Variants in TMEM150C observed in about 807,000 individuals in gnomAD.
TMEM150C encodes the protein tentonin 3.
A neutral mutation model predicts 29.9 loss-of-function variants in TMEM150C; 10 were observed. The observed-to-expected ratio is 0.33, with a 90% CI of 0.21 to 0.57. The LOEUF (loss-of-function observed/expected upper bound fraction) is 0.57, where lower values mean the gene tolerates loss of function less well. Ranked by LOEUF, TMEM150C falls within the 20% of genes least tolerant of loss-of-function variation. The pLI is 0.88. For synonymous variants in TMEM150C, 101 were observed against 112.5 expected (o/e 0.90, Z 0.64); for missense variants, 251 against 303.6 (o/e 0.83, Z 1.29).
chr4:82,543,773 A>C (rs889424200), intron 1 of TMEM150C, among the ~76,000 whole-genome samples: 4 of 152,236 alleles, frequency 2.6e-5, no homozygotes, highest in Admixed American at 1.3e-4. Flanking sequence ...CTCTGGAATA[A>C]ACCATTCACA....
chr4:82,523,603 C>T lies in TMEM150C; in HGVS notation c.-10-18936G>A, dbSNP rs539046614. ...TGGTGGGGCCTTACAAGAAACTTTC[C>T]GGAAATGCTTTAAAAAATGAAAACT... On this transcript the variant is annotated intron_variant, in intron 1 of 7. Transcript: ENST00000449862. Among the ~76,000 whole-genome samples, 19 of 152,202 alleles carry T rather than the reference C, an allele frequency of 1.2e-4. 3 individuals are homozygous for T. In the South Asian group the frequency reaches 3.7e-3, roughly 30 times the overall value.
At chr4:82,518,031 C>T (rs374962191) in intron 1 of TMEM150C, among the ~76,000 whole-genome samples, 1 of 152,158 alleles carries the variant, frequency 6.6e-6, no homozygotes, top group South Asian at 2.1e-4. Flanking sequence ...AAAGTAGTGA[C>T]CAGGCTGGGC....
chr4:82,557,535 T>A (rs1356474493), intron 1 of TMEM150C, among the ~76,000 whole-genome samples: 2 of 152,192 alleles, frequency 1.3e-5, no homozygotes, highest in Non-Finnish European at 1.5e-5. Context: ...TGATCTGTAA[T>A]GTGCAAAAGA....
intron 1 of TMEM150C, among the ~76,000 whole-genome samples, chr4:82,554,458 AT>A (rs1725674419): frequency 2.0e-5 from 3 of 152,230 alleles, no homozygotes; most frequent in Admixed American, 2.0e-4. Context: ...TTGAAAGACT[AT>A]TTTATCAACC....
chr4:82,539,978 C>T (rs1725144020), intron 1 of TMEM150C, among the ~76,000 whole-genome samples: 1 of 152,016 alleles, frequency 6.6e-6, no homozygotes, highest in South Asian at 2.1e-4. Context: ...AATAGAAAAA[C>T]TTAAGGAGAT....
intron 1 of TMEM150C, among the ~76,000 whole-genome samples, chr4:82,529,858 C>G (rs1724778557): frequency 6.6e-6 from 1 of 151,948 alleles, no homozygotes; most frequent in African/African-American, 2.4e-5. Context: ...TAAAGGGAAA[C>G]CTACCTAAAA....
At chr4:82,506,694 C>G (rs541369930) in intron 1 of TMEM150C, among the ~76,000 whole-genome samples, 1 of 152,250 alleles carries the variant, frequency 6.6e-6, no homozygotes, top group Non-Finnish European at 1.5e-5. Context: ...TACGGAAGAA[C>G]AGTGAACATT....
chr4:82,507,727 CTTTTTTTTTTTTTTTTTTTTTTTT>C (rs869112887), intron 1 of TMEM150C, among the ~76,000 whole-genome samples: 2 of 20,594 alleles, frequency 9.7e-5, no homozygotes, highest in Middle Eastern at 0.036. Context: ...CTCTCTCTCT[CTTTTTTTTTTTTTTTTTTTTTTTT>C]TTTTTTTTTT....
intron 1 of TMEM150C, among the ~76,000 whole-genome samples, chr4:82,529,517 G>A (rs1386232865): frequency 2.0e-5 from 3 of 152,030 alleles, no homozygotes; most frequent in African/African-American, 4.8e-5. Context: ...CAAATTCCTG[G>A]GCTCAAGCGA....
intron 1 of TMEM150C, among the ~76,000 whole-genome samples, chr4:82,505,941 A>G (rs1723906119): frequency 6.6e-6 from 1 of 152,214 alleles, no homozygotes; most frequent in Non-Finnish European, 1.5e-5. Flanking sequence ...CCTTATGGCA[A>G]AAACACCTGT....
chr4:82,494,569 C>A (rs1723473932), intron 6 of TMEM150C, among the ~76,000 whole-genome samples: 1 of 152,046 alleles, frequency 6.6e-6, no homozygotes, highest in African/African-American at 2.4e-5. Flanking sequence ...ACATTAGGAT[C>A]CAATTTGTTA....
intron 1 of TMEM150C, among the ~76,000 whole-genome samples, chr4:82,534,252 A>C (rs1724939212): frequency 6.6e-6 from 1 of 152,180 alleles, no homozygotes; most frequent in Admixed American, 6.5e-5. Context: ...TCTGTAAAGG[A>C]GGAGGCAAAA....
At chr4:82,495,346 C>T (rs954713133) in intron 6 of TMEM150C, 40 of 212,624 alleles carry the variant, frequency 1.9e-4, no homozygotes, top group Middle Eastern at 1.9e-3. Flanking sequence ...GAGGCTGAGG[C>T]GGGAGAATTA....
chr4:82,537,923 G>C (rs1353491140), intron 1 of TMEM150C, among the ~76,000 whole-genome samples: 2 of 152,202 alleles, frequency 1.3e-5, no homozygotes, highest in Admixed American at 1.3e-4. Context: ...GACTGTGAAA[G>C]AATAAGTTTC....
chr4:82,500,284 TGGG>T (rs1723695670), intron 5 of TMEM150C, among the ~76,000 whole-genome samples: 1 of 152,208 alleles, frequency 6.6e-6, no homozygotes, highest in South Asian at 2.1e-4. Flanking sequence ...ATAGGCGGTG[TGGG>T]TTATTTCTTA....
At chr4:82,537,458 A>ATCC (rs1725048876) in intron 1 of TMEM150C, among the ~76,000 whole-genome samples, 1 of 152,224 alleles carries the variant, frequency 6.6e-6, no homozygotes, top group African/African-American at 2.4e-5. Flanking sequence ...CACCCTTTGG[A>ATCC]AAACAACTGG....
chr4:82,536,750 G>A (rs756960662), intron 1 of TMEM150C, among the ~76,000 whole-genome samples: 9 of 151,966 alleles, frequency 5.9e-5, no homozygotes, highest in African/African-American at 2.2e-4. Context: ...TTTGACCACA[G>A]AAGGCTAAAA....
At chr4:82,528,261 C>CAAAA (rs1368952265) in intron 1 of TMEM150C, among the ~76,000 whole-genome samples, 4 of 152,216 alleles carry the variant, frequency 2.6e-5, no homozygotes, top group Non-Finnish European at 5.9e-5. Context: ...TGCAGGGGCT[C>CAAAA]TCGAACTTCA....
chr4:82,560,989 A>G (rs1725900611), intron 1 of TMEM150C, among the ~76,000 whole-genome samples: 1 of 152,228 alleles, frequency 6.6e-6, no homozygotes, highest in African/African-American at 2.4e-5. Flanking sequence ...TGCGGTCACA[A>G]TCCTGGCCCA....
Sources: allele counts gnomAD v4.1 joint callset (sites outside exome capture counted in the v4.1 genomes callset), GRCh38; gene constraint gnomAD v4.1.1; transcripts MANE v1.5; gene names NCBI Gene and HGNC (gene_info 2026-07-23, HGNC 2026-07-21).